NRG3: variants seen among roughly 807,000 people sequenced by gnomAD.
NRG3 encodes pro-neuregulin-3, membrane-bound isoform.
Under a neutral mutation model 66.9 loss-of-function variants are expected in NRG3, and 31 were observed. The observed-to-expected ratio is 0.46, with a 90% CI of 0.35 to 0.63. NRG3 has a LOEUF of 0.63. NRG3 is among the 20% of genes least tolerant of loss of function. The pLI is 0.00. For synonymous variants in NRG3, 393 were observed against 359.4 expected, an observed-to-expected ratio of 1.09 and a Z score of -1.06; for missense variants, 910 against 878.9, an observed-to-expected ratio of 1.04 and a Z score of -0.45.
At chr10:82,774,113 T>C (rs555228579) in intron 3 of NRG3, among the ~76,000 whole-genome samples, 3 of 152,186 alleles carry the variant, frequency 2.0e-5, no homozygotes, top group South Asian at 2.1e-4. Context: ...TAGTGTTTCA[T>C]TGAGTATTGT....
intron 4 of NRG3, among the ~76,000 whole-genome samples, chr10:82,883,377 G>C (rs947161907): frequency 6.6e-6 from 1 of 152,098 alleles, no homozygotes; most frequent in African/African-American, 2.4e-5. Context: ...TCTGTATATA[G>C]AGTTGAAATC....
chr10:82,856,756 C>CAAAAAAAAAAAAAAAAAAAAAAAAAAAA (rs67224862), intron 3 of NRG3, among the ~76,000 whole-genome samples: 3 of 107,478 alleles, frequency 2.8e-5, no homozygotes, highest in African/African-American at 3.6e-5. Context: ...AAAAAAAAAA[C>CAAAAAAAAAAAAAAAAAAAAAAAAAAAA]AAAAAAAAAA....
intron 3 of NRG3, among the ~76,000 whole-genome samples, chr10:82,745,529 T>A (rs1250674012): frequency 6.6e-6 from 1 of 152,126 alleles, no homozygotes; most frequent in East Asian, 1.9e-4. Context: ...ATATGTAAAA[T>A]CTGTCACTCT....
intron 1 of NRG3, among the ~76,000 whole-genome samples, chr10:82,105,530 A>G (rs2132168085): frequency 6.6e-6 from 1 of 152,266 alleles, no homozygotes; most frequent in South Asian, 2.1e-4. Flanking sequence ...GTTGAAAGAT[A>G]AAAGTAGATA....
At chr10:82,173,928 C>T (rs949227857) in intron 1 of NRG3, among the ~76,000 whole-genome samples, 1 of 152,076 alleles carries the variant, frequency 6.6e-6, no homozygotes, top group African/African-American at 2.4e-5. Flanking sequence ...TCATTGACTC[C>T]TCCTTCGTCC....
intron 1 of NRG3, among the ~76,000 whole-genome samples, chr10:82,004,670 C>T (rs1164577015): frequency 1.3e-5 from 2 of 152,076 alleles, no homozygotes; most frequent in Non-Finnish European, 2.9e-5. Context: ...CGAAGTATGA[C>T]TATATTTGGA....
At chr10:82,097,369 T>TAC (rs60288660) in intron 1 of NRG3, among the ~76,000 whole-genome samples, 8,497 of 140,880 alleles carry the variant, frequency 0.06, 354 homozygotes, top group African/African-American at 0.11. Context: ...TCCAGATGGT[T>TAC]ACACACACAC....
At chr10:82,598,630 T>A (rs1419680520) in intron 2 of NRG3, among the ~76,000 whole-genome samples, 1 of 152,222 alleles carries the variant, frequency 6.6e-6, no homozygotes, top group African/African-American at 2.4e-5. Flanking sequence ...TGATTGTCTA[T>A]ATCAAATTAT....
chr10:82,262,953 T>G (rs2134222147), intron 1 of NRG3, among the ~76,000 whole-genome samples: 1 of 152,320 alleles, frequency 6.6e-6, no homozygotes, highest in Admixed American at 6.5e-5. Flanking sequence ...ATTGAAAGTT[T>G]ATAGTTGAGG....
At chr10:82,178,370 G>A (rs111708849) in intron 1 of NRG3, among the ~76,000 whole-genome samples, 28 of 152,170 alleles carry the variant, frequency 1.8e-4, no homozygotes, top group African/African-American at 6.7e-4. Context: ...CTATTGAAAA[G>A]CAACTGCTCG....
At chr10:82,588,288 G>A (rs1430764973) in intron 2 of NRG3, among the ~76,000 whole-genome samples, 1 of 152,134 alleles carries the variant, frequency 6.6e-6, no homozygotes, top group African/African-American at 2.4e-5. Context: ...GATGATGAGT[G>A]AGTTTTTGCT....
chr10:82,738,814 C>A (rs1193839559), intron 3 of NRG3, among the ~76,000 whole-genome samples, 164 bp downstream of exon 3: 1 of 152,196 alleles, frequency 6.6e-6, no homozygotes, highest in Non-Finnish European at 1.5e-5. Flanking sequence ...ATCCTCAGAG[C>A]TGGCTCAGTC....
intron 2 of NRG3, among the ~76,000 whole-genome samples, chr10:82,458,533 G>C (rs925230952): frequency 6.6e-6 from 1 of 152,148 alleles, no homozygotes; most frequent in African/African-American, 2.4e-5. Context: ...CTGGAAGAGA[G>C]ATGTCACTGG....
intron 2 of NRG3, among the ~76,000 whole-genome samples, chr10:82,603,178 C>A (rs923252004): frequency 6.6e-6 from 1 of 152,094 alleles, no homozygotes; most frequent in South Asian, 2.1e-4. Flanking sequence ...AGCATTGGTG[C>A]AATTTTGCCT....
At chr10:82,919,868 T>C (rs1846254008) in intron 4 of NRG3, among the ~76,000 whole-genome samples, 1 of 151,632 alleles carries the variant, frequency 6.6e-6, no homozygotes, top group Non-Finnish European at 1.5e-5. Flanking sequence ...ATTTTAGAGA[T>C]GACCAAATGA....
chr10:82,760,145 A>G (rs1253923201), intron 3 of NRG3, among the ~76,000 whole-genome samples: 1 of 152,114 alleles, frequency 6.6e-6, no homozygotes. Flanking sequence ...AGCATGTAGC[A>G]TGGGAACCTT....
intron 1 of NRG3, among the ~76,000 whole-genome samples, chr10:82,009,411 C>T (rs1264657646): frequency 6.6e-6 from 1 of 152,034 alleles, no homozygotes; most frequent in Admixed American, 6.6e-5. Flanking sequence ...TCCTTAGGGA[C>T]TTCAGGTGGT....
At chr10:82,646,062 G>C (rs2050908202) in intron 2 of NRG3, among the ~76,000 whole-genome samples, 1 of 152,120 alleles carries the variant, frequency 6.6e-6, no homozygotes, top group African/African-American at 2.4e-5. Flanking sequence ...ACATAGAATT[G>C]AGGAAATAAC....
chr10:82,501,496 T>C (rs1460990479), intron 2 of NRG3, among the ~76,000 whole-genome samples: 1 of 152,238 alleles, frequency 6.6e-6, no homozygotes, highest in South Asian at 2.1e-4. Flanking sequence ...CCATGGGCTT[T>C]CTGGTCTCTT....
Sources: gnomAD v4.1 joint callset for allele counts (sites outside exome capture counted in the v4.1 genomes callset) on GRCh38, gnomAD v4.1.1 for gene constraint, MANE v1.5 for transcripts, NCBI Gene and HGNC (gene_info 2026-07-23, HGNC 2026-07-21) for gene names.